EIF2B3: variants seen among roughly 807,000 people sequenced by gnomAD.
EIF2B3 encodes translation initiation factor eIF2B subunit gamma.
A neutral mutation model predicts 54.1 loss-of-function variants in EIF2B3; 20 were observed. The observed-to-expected ratio is 0.37, with a 90% CI of 0.26 to 0.54. The LOEUF is 0.54. Ranked by LOEUF, EIF2B3 falls within the 20% of genes least tolerant of loss-of-function variation. The pLI, the probability that EIF2B3 is intolerant of heterozygous loss-of-function variation, is 0.86. For synonymous variants in EIF2B3, 153 were observed against 188.1 expected (o/e 0.81, Z 1.52); for missense variants, 448 against 547.8 (o/e 0.82, Z 1.82).
At chr1:44,866,138 C>T (rs1159270056) in intron 10 of EIF2B3, among the ~76,000 whole-genome samples, 2 of 152,032 alleles carry the variant, frequency 1.3e-5, no homozygotes, top group African/African-American at 4.8e-5. Context: ...TGGCTCACGC[C>T]TGTAATCTCA....
chr1:44,956,692 G>A (rs892458598), intron 3 of EIF2B3, among the ~76,000 whole-genome samples: 25 of 151,988 alleles, frequency 1.6e-4, no homozygotes, highest in Non-Finnish European at 2.5e-4. Flanking sequence ...TATGATAATC[G>A]TGAAACTTAA....
chr1:44,965,634 CT>C (rs386366856), intron 3 of EIF2B3, among the ~76,000 whole-genome samples: 5,946 of 102,322 alleles, frequency 0.058, 89 homozygotes, highest in Admixed American at 0.13. Flanking sequence ...ACAAATGCAT[CT>C]TTTTTTTTTT....
At chr1:44,983,459 A>G (rs1644535841) in intron 1 of EIF2B3, among the ~76,000 whole-genome samples, 1 of 152,248 alleles carries the variant, frequency 6.6e-6, no homozygotes, top group Non-Finnish European at 1.5e-5. Context: ...CACAATGTAA[A>G]GATATGGTCA....
At chr1:44,887,896 TC>T (rs1178657474) in intron 6 of EIF2B3, among the ~76,000 whole-genome samples, 1 of 151,260 alleles carries the variant, frequency 6.6e-6, no homozygotes, top group African/African-American at 2.4e-5. Flanking sequence ...AGACTCTGTC[TC>T]CCCCCAAAAA....
intron 3 of EIF2B3, among the ~76,000 whole-genome samples, chr1:44,946,738 C>G (rs117626457): frequency 6.6e-6 from 1 of 151,132 alleles, no homozygotes; most frequent in Non-Finnish European, 1.5e-5. Context: ...GCTGGAATTA[C>G]AGGCATAAGC....
rs145717450 is a variant in EIF2B3 at position 44,930,082 on chromosome 1, T to C, written c.455-3343A>G. On this transcript the variant is annotated intron_variant, in intron 4 of 11. Transcript: ENST00000360403. ...GTCCGTCATATTCAAGTATTCACGT[T>C]TTTTTCCCTAGTTGATTTTTACTTT... is the stretch of plus-strand genomic sequence containing the variant. Among the ~76,000 whole-genome samples, 424 of 152,348 alleles carry C rather than the reference T, an allele frequency of 2.8e-3. 2 individuals are homozygous for C. Among genetic ancestry groups the C allele is most frequent in the Admixed American group, 8.4e-3 (128 of 15,304 alleles).
At chr1:44,927,860 A>G (rs944322871) in intron 4 of EIF2B3, among the ~76,000 whole-genome samples, 2 of 152,140 alleles carry the variant, frequency 1.3e-5, no homozygotes, top group African/African-American at 4.8e-5. Flanking sequence ...TATTGAATAT[A>G]TATTACAAAG....
At chr1:44,971,194 A>T (rs433699) in intron 3 of EIF2B3, among the ~76,000 whole-genome samples, 1 of 152,104 alleles carries the variant, frequency 6.6e-6, no homozygotes, top group Non-Finnish European at 1.5e-5. Flanking sequence ...CATCCTGGCC[A>T]ACATGGTGAA....
At chr1:44,870,549 TTCCCAA>T (rs1351203873) in intron 10 of EIF2B3, among the ~76,000 whole-genome samples, 1 of 152,176 alleles carries the variant, frequency 6.6e-6, no homozygotes, top group African/African-American at 2.4e-5. Context: ...TTGCTGTTAG[TTCCCAA>T]TCCCCAAGGT....
chr1:44,952,452 G>A (rs780646865), intron 3 of EIF2B3, among the ~76,000 whole-genome samples: 4 of 151,868 alleles, frequency 2.6e-5, no homozygotes, highest in Non-Finnish European at 5.9e-5. Flanking sequence ...GAAAATACAA[G>A]CAATTAGAAG....
At chr1:44,893,023 G>T (rs538096252) in intron 6 of EIF2B3, among the ~76,000 whole-genome samples, 1 of 152,084 alleles carries the variant, frequency 6.6e-6, no homozygotes, top group Non-Finnish European at 1.5e-5. Context: ...GTGCTTACTC[G>T]TGGCTTTCTA....
intron 1 of EIF2B3, among the ~76,000 whole-genome samples, chr1:44,981,505 A>T (rs1464670583): frequency 6.6e-6 from 1 of 152,234 alleles, no homozygotes; most frequent in African/African-American, 2.4e-5. Context: ...TATCCAAGAT[A>T]CAGTGGGCAT....
chr1:44,910,653 TTTTTAAA>T (rs1643495744), intron 5 of EIF2B3, among the ~76,000 whole-genome samples: 1 of 122,092 alleles, frequency 8.2e-6, no homozygotes, highest in African/African-American at 3.8e-5. Flanking sequence ...TTTTTTTTTT[TTTTTAAA>T]AGAGAGAAAT....
At chr1:44,858,196 G>T (rs1273322633) in intron 10 of EIF2B3, among the ~76,000 whole-genome samples, 1 of 149,044 alleles carries the variant, frequency 6.7e-6, no homozygotes, top group East Asian at 2.0e-4. Flanking sequence ...ACCTCAACCT[G>T]TAGCTGGGAC....
chr1:44,897,735 AACT>A (rs1656020923), intron 5 of EIF2B3, among the ~76,000 whole-genome samples: 1 of 148,622 alleles, frequency 6.7e-6, no homozygotes, highest in Non-Finnish European at 1.5e-5. Context: ...TTTGATCGTT[AACT>A]TTTTTTTTTT....
chr1:44,972,679 T>C (rs1644414682), intron 3 of EIF2B3: 2 of 152,182 alleles, frequency 1.3e-5, no homozygotes. Context: ...TATTTATATA[T>C]TTTTTTGAGA....
chr1:44,970,535 T>C (rs1052217543), intron 3 of EIF2B3, among the ~76,000 whole-genome samples: 2 of 152,148 alleles, frequency 1.3e-5, no homozygotes, highest in Non-Finnish European at 2.9e-5. Context: ...AGCTCTTTTG[T>C]GGGCACACGG....
intron 3 of EIF2B3, among the ~76,000 whole-genome samples, chr1:44,956,734 T>C (rs1644230421): frequency 6.6e-6 from 1 of 152,110 alleles, no homozygotes; most frequent in Admixed American, 6.6e-5. Context: ...TTTTAATAAA[T>C]GGTGATGGGA....
rs573715536 is a variant in EIF2B3 at position 44,853,860 on chromosome 1, C to T, written c.1307-2857G>A. ...GAGGATTTGACCTGTGTCAAGTATA[C>T]ATCAACAGCCTGACCTATACCAGGT... On this transcript the variant is annotated intron_variant, in intron 11 of 11. Coordinates refer to ENST00000360403, the MANE Select transcript of EIF2B3 (RefSeq NM_020365.5). 2.6e-5 allele frequency among the ~76,000 whole-genome samples: 4 copies of T among 152,260 alleles called. No individual in the cohort carries two copies. In the East Asian group the frequency reaches 7.7e-4, roughly 29 times the overall value.
Sources: allele counts gnomAD v4.1 joint callset (sites outside exome capture counted in the v4.1 genomes callset), GRCh38; gene constraint gnomAD v4.1.1; transcripts MANE v1.5; gene names NCBI Gene and HGNC (gene_info 2026-07-23, HGNC 2026-07-21).